CREG2: variants seen among roughly 807,000 people sequenced by gnomAD.
The protein encoded by CREG2 is cellular repressor of E1A stimulated genes 2, also known as protein CREG2.
Under a neutral mutation model 26.2 loss-of-function variants are expected in CREG2, and 24 were observed. The observed-to-expected ratio is 0.92, with a 90% CI of 0.66 to 1.29. The LOEUF (loss-of-function observed/expected upper bound fraction) is 1.29, where lower values mean the gene tolerates loss of function less well. Ranked by LOEUF, CREG2 falls within the 50% of genes most tolerant of loss-of-function variation. The probability of loss-of-function intolerance (pLI) is 0.00; values close to 1 mark genes in which losing one functional copy is unlikely to be tolerated. For synonymous variants in CREG2, 174 were observed against 169.2 expected (o/e 1.03, Z -0.22); for missense variants, 366 against 398.6 (o/e 0.92, Z 0.70).
intron 3 of CREG2, among the ~76,000 whole-genome samples, chr2:101,352,411 T>C (rs888762368): frequency 2.6e-5 from 4 of 152,196 alleles, no homozygotes; most frequent in African/African-American, 4.8e-5. Context: ...CTGGAAGTGG[T>C]GCTGGTGCAG....
At chr2:101,382,028 T>C (rs1209686334) in intron 2 of CREG2, 2 of 152,326 alleles carry the variant, frequency 1.3e-5, no homozygotes, top group African/African-American at 2.4e-5. Context: ...GCTGGAGTGC[T>C]GCCGCAGCTT....
At chr2:101,374,474 A>G (rs1229569580) in intron 2 of CREG2, among the ~76,000 whole-genome samples, 2 of 152,246 alleles carry the variant, frequency 1.3e-5, no homozygotes, top group Non-Finnish European at 2.9e-5. Flanking sequence ...ACACAGAGCA[A>G]TTTATTTAAA....
At chr2:101,368,418 A>G (rs1684651987) in intron 2 of CREG2, among the ~76,000 whole-genome samples, 1 of 152,168 alleles carries the variant, frequency 6.6e-6, no homozygotes, top group Non-Finnish European at 1.5e-5. Flanking sequence ...TAATGCCCCC[A>G]TGAATATTCC....
intron 3 of CREG2, among the ~76,000 whole-genome samples, chr2:101,351,785 A>G (rs1684384579): frequency 6.6e-6 from 1 of 152,148 alleles, no homozygotes; most frequent in Non-Finnish European, 1.5e-5. Flanking sequence ...TTTCCTTTAT[A>G]TCTAAAAAAT....
At chr2:101,374,269 C>T (rs923389539) in intron 2 of CREG2, among the ~76,000 whole-genome samples, 1 of 152,172 alleles carries the variant, frequency 6.6e-6, no homozygotes, top group Non-Finnish European at 1.5e-5. Context: ...TCCCGTCCAA[C>T]GGGAGGCTGA....
intron 2 of CREG2, among the ~76,000 whole-genome samples, chr2:101,368,458 T>G (rs1015106108): frequency 6.6e-6 from 1 of 152,200 alleles, no homozygotes; most frequent in Non-Finnish European, 1.5e-5. Flanking sequence ...GGCCCCACAC[T>G]GTGCTCAAGG....
At chr2:101,355,556 G>A (rs1684444486) in intron 2 of CREG2, among the ~76,000 whole-genome samples, 190 bp from the exon 3 acceptor site, 1 of 152,100 alleles carries the variant, frequency 6.6e-6, no homozygotes, top group Admixed American at 6.5e-5. Context: ...CCTTGCAATA[G>A]GTGTGCTTAT....
At chr2:101,360,625 C>A (rs1265125134) in intron 2 of CREG2, among the ~76,000 whole-genome samples, 8 of 151,944 alleles carry the variant, frequency 5.3e-5, no homozygotes, top group African/African-American at 1.9e-4. Flanking sequence ...GTAATTCCAG[C>A]TACTCAGGAG....
chr2:101,383,455 C>T, intron 2 of CREG2, 78 bp downstream of exon 2: 1 of 1,393,070 alleles, frequency 7.2e-7, no homozygotes, highest in Non-Finnish European at 1.0e-6. Flanking sequence ...AGTCATGTGA[C>T]CCAGAGAGAA....
At chr2:101,368,316 GAAAA>G (rs56011125) in intron 2 of CREG2, among the ~76,000 whole-genome samples, 1 of 142,984 alleles carries the variant, frequency 7.0e-6, no homozygotes, top group Non-Finnish European at 1.5e-5. Context: ...AAAGAAAAAA[GAAAA>G]AAAAAAAGAA....
At position 101,350,585 on chromosome 2, in the gene CREG2, AT is replaced by A. The variant is rs200987896; in HGVS notation, c.*337del. ...AAGCAATCACATTGTAGGTACAGGC[AT>A]TTTTTTTTTTCCTTAAACAATGAAA... is the stretch of plus-strand genomic sequence containing the variant. On this transcript the variant is annotated 3_prime_UTR_variant, in exon 4 of 4. Transcript: ENST00000324768. 504 of 125,344 alleles carry A rather than the reference AT, an allele frequency of 4.0e-3. No individual in the cohort carries two copies. Among genetic ancestry groups the A allele is most frequent in the Middle Eastern group, 0.011 (4 of 356 alleles). 7.8% of individuals were successfully genotyped at this position (125,344 alleles called of 1,614,324 possible). A position where few individuals can be genotyped will look rare whatever the true frequency, so the allele number is the denominator to read the frequency against.
intron 3 of CREG2, among the ~76,000 whole-genome samples, chr2:101,351,280 C>T (rs551656388): frequency 3.7e-4 from 56 of 152,164 alleles, no homozygotes; most frequent in Non-Finnish European, 2.9e-4. Context: ...GCTAGAGGCT[C>T]AAGACGTGGG....
chr2:101,351,058 C>T lies in CREG2; in HGVS notation c.738G>A (p.Met246Ile), dbSNP rs1573298968. The T allele has an allele frequency of 1.2e-6, 2 of 1,614,070 alleles. No homozygotes were observed. The highest frequency in any genetic ancestry group is 2.2e-5 in the East Asian group (1 of 44,890). ...KQAMFSRHPGMRKWPRQYEWF... is the reference protein window; with the variant it reads ...KQAMFSRHPGIRKWPRQYEWF... ...ATTCATATTGACGAGGCCACTTCCT[C>T]ATCCCTGGGTGCCTGCAGGAATAAA... The change falls in exon 4 of 4, where the codon ATG (methionine) becomes ATA (isoleucine). Residue 246 changes from methionine to isoleucine, a missense_variant. This residue lies in a region of CREG2 where 174 missense variants were observed against 178.2 expected (regional missense o/e 0.98). Coordinates refer to ENST00000324768, the MANE Select transcript of CREG2 (RefSeq NM_153836.4).
chr2:101,358,752 G>GCAAGTTTTAGAGCAGGAGTGAGAGTT (rs1573304044), intron 2 of CREG2, among the ~76,000 whole-genome samples: 6 of 108,416 alleles, frequency 5.5e-5, no homozygotes, highest in Admixed American at 1.9e-4. Context: ...GAGAACTGAG[G>GCAAGTTTTAGAGCAGGAGTGAGAGTT]TGGCCGGGCG....
intron 2 of CREG2, among the ~76,000 whole-genome samples, chr2:101,367,591 C>T (rs958698434): frequency 2.6e-5 from 4 of 152,164 alleles, no homozygotes; most frequent in Non-Finnish European, 4.4e-5. Flanking sequence ...AATAGCAGCT[C>T]GCCCAAAGAT....
intron 1 of CREG2, among the ~76,000 whole-genome samples, chr2:101,385,130 G>T (rs569113596): frequency 6.6e-6 from 1 of 152,156 alleles, no homozygotes; most frequent in Non-Finnish European, 1.5e-5. Context: ...GGTATATCAT[G>T]TTTCTGTGAC....
intron 1 of CREG2, among the ~76,000 whole-genome samples, chr2:101,385,303 T>C (rs1684950347): frequency 6.6e-6 from 1 of 152,192 alleles, no homozygotes; most frequent in South Asian, 2.1e-4. Context: ...TGCCTTAGCC[T>C]CCCAAGTTGC....
chr2:101,375,182 T>C (rs981833485), intron 2 of CREG2, among the ~76,000 whole-genome samples: 6 of 152,232 alleles, frequency 3.9e-5, no homozygotes, highest in African/African-American at 1.4e-4. Context: ...GCATCTTCAA[T>C]ATGCGCCCCT....
intron 3 of CREG2, among the ~76,000 whole-genome samples, chr2:101,353,879 A>G (rs1173138115): frequency 1.3e-5 from 2 of 152,114 alleles, no homozygotes; most frequent in Non-Finnish European, 2.9e-5. Flanking sequence ...AAAACCAAAC[A>G]CTGCATGTTC....
Sources: gnomAD v4.1 joint callset for allele counts (sites outside exome capture counted in the v4.1 genomes callset) on GRCh38, gnomAD v4.1.1 for gene constraint, gnomAD v4.1.1 regional missense constraint, MANE v1.5 for transcripts, NCBI Gene and HGNC (gene_info 2026-07-23, HGNC 2026-07-21) for gene names.